Variants in SEMA5A observed in about 807,000 individuals in gnomAD.
The protein encoded by SEMA5A is semaphorin 5A, also known as semaphorin-5A.
A neutral mutation model predicts 135.5 loss-of-function variants in SEMA5A; 55 were observed. The observed-to-expected ratio is 0.41, with a 90% CI of 0.33 to 0.51. The LOEUF is 0.51. Among genes scored for constraint, SEMA5A ranks in the 20% least tolerant of loss-of-function variants. The probability of loss-of-function intolerance (pLI) is 0.37; values close to 1 mark genes in which losing one functional copy is unlikely to be tolerated. For missense variants in SEMA5A, 1,290 were observed against 1,419.9 expected (o/e 0.91, Z 1.47); for synonymous variants, 580 against 546.5 (o/e 1.06, Z -0.85).
rs145840029 is a variant in SEMA5A at position 9,246,251 on chromosome 5, T to A, written c.271-8361A>T. On this transcript the variant is annotated intron_variant, in intron 5 of 22. Transcript: ENST00000382496. ...GAAAAAAATCAAATCACTGGAGGGATGGCTATTTTTATACATGAATTTCCT... is the reference window on the plus strand; with the variant it reads ...GAAAAAAATCAAATCACTGGAGGGAAGGCTATTTTTATACATGAATTTCCT... 4.2e-3 allele frequency among the ~76,000 whole-genome samples: 646 copies of A among 152,256 alleles called. 8 individuals are homozygous for A. Among genetic ancestry groups the A allele is most frequent in the African/African-American group, 0.015 (606 of 41,544 alleles).
chr5:9,490,440 C>T (rs941779226), intron 1 of SEMA5A, among the ~76,000 whole-genome samples: 5 of 151,340 alleles, frequency 3.3e-5, no homozygotes, highest in Non-Finnish European at 5.9e-5. Context: ...TATTTTTCTC[C>T]GTATTTGAAA....
intron 3 of SEMA5A, among the ~76,000 whole-genome samples, chr5:9,351,871 T>C (rs902517447): frequency 6.6e-6 from 1 of 152,252 alleles, no homozygotes; most frequent in Non-Finnish European, 1.5e-5. Context: ...TGGCTTTCTC[T>C]GTCTGCAAGG....
chr5:9,075,538 T>C (rs1738003001), intron 16 of SEMA5A, among the ~76,000 whole-genome samples: 1 of 116,644 alleles, frequency 8.6e-6, no homozygotes. Flanking sequence ...AAAATAATTA[T>C]GCACATAAAA....
In SEMA5A at chr5:9,545,104, T is replaced by G. The variant is rs1230476754; in HGVS notation, c.-175+480A>C. ...AAGTCCCATTGCCTCCCGGTTCCCC[T>G]GTAAGGAAAGCAGGAAAACCTGCCC... is the stretch of plus-strand genomic sequence containing the variant. On this transcript the variant is annotated intron_variant, in intron 1 of 22. Coordinates refer to ENST00000382496, the MANE Select transcript of SEMA5A (RefSeq NM_003966.3). This position sits in a 1 kb window ranked among gnomAD's most constrained non-coding sequence, Gnocchi z 4.5. 1.3e-5 allele frequency among the ~76,000 whole-genome samples: 2 copies of G among 152,072 alleles called. No homozygotes were observed. The highest frequency in any genetic ancestry group is 4.8e-5 in the African/African-American group (2 of 41,410).
At chr5:9,420,004 C>T (rs949801152) in intron 2 of SEMA5A, among the ~76,000 whole-genome samples, 6 of 151,978 alleles carry the variant, frequency 3.9e-5, no homozygotes, top group African/African-American at 1.2e-4. Flanking sequence ...ACTGTTGGGC[C>T]CCTCGGTGGC....
chr5:9,386,375 C>CA lies in SEMA5A; in HGVS notation c.-77-6353dup, dbSNP rs199731403. 1.1e-4 allele frequency among the ~76,000 whole-genome samples: 17 copies of CA among 151,336 alleles called. 1 individual carries two copies. In the South Asian group the frequency reaches 1.5e-3, roughly 13 times the overall value. On this transcript the variant is annotated intron_variant, in intron 2 of 22. Transcript: ENST00000382496. ...AACTCAGTATTCAGCTTCTGCCTTT[C>CA]AAAAAAAAATCATGCTTTTAGAGGA...
At chr5:9,281,992 T>C (rs1216146584) in intron 5 of SEMA5A, among the ~76,000 whole-genome samples, 1 of 152,074 alleles carries the variant, frequency 6.6e-6, no homozygotes, top group Non-Finnish European at 1.5e-5. Flanking sequence ...TTTGTATTTT[T>C]AGTAGAGACA....
intron 1 of SEMA5A, among the ~76,000 whole-genome samples, chr5:9,509,383 G>A (rs959514077): frequency 1.1e-4 from 16 of 151,914 alleles, no homozygotes; most frequent in African/African-American, 3.4e-4. Context: ...CAAGTGATTC[G>A]CCTGTCTCAG....
intron 1 of SEMA5A, among the ~76,000 whole-genome samples, chr5:9,441,992 A>G (rs1406741407): frequency 6.6e-6 from 1 of 152,170 alleles, no homozygotes; most frequent in Non-Finnish European, 1.5e-5. Context: ...TCTGCAGAGG[A>G]TGCACAAGAC....
intron 5 of SEMA5A, among the ~76,000 whole-genome samples, chr5:9,268,176 T>C (rs1400792449): frequency 6.6e-6 from 1 of 152,130 alleles, no homozygotes; most frequent in Non-Finnish European, 1.5e-5. Context: ...CCTTGAAAAT[T>C]TTTTATTGGT....
At chr5:9,154,455 C>T (rs376715419) in intron 12 of SEMA5A, 33 bp downstream of exon 12, 484 of 1,606,668 alleles carry the variant, frequency 3.0e-4, no homozygotes, top group Non-Finnish European at 3.9e-4. Context: ...TTCACACACA[C>T]ACCAGTGCAT....
chr5:9,064,584 A>G (rs1460383767), intron 17 of SEMA5A, among the ~76,000 whole-genome samples: 3 of 152,164 alleles, frequency 2.0e-5, no homozygotes, highest in Non-Finnish European at 4.4e-5. Flanking sequence ...CATAAGTGGG[A>G]ATTGAACAAT....
At chr5:9,319,564 GCAT>G (rs1486941964) in intron 4 of SEMA5A, among the ~76,000 whole-genome samples, 4 of 152,080 alleles carry the variant, frequency 2.6e-5, no homozygotes, top group African/African-American at 7.2e-5. Context: ...TGAAATCCTG[GCAT>G]CATGTAAATG....
At chr5:9,096,628 G>A (rs1026301091) in intron 16 of SEMA5A, among the ~76,000 whole-genome samples, 1 of 148,918 alleles carries the variant, frequency 6.7e-6, no homozygotes. Flanking sequence ...ATCTATTGAT[G>A]GACACTTAAG....
intron 1 of SEMA5A, among the ~76,000 whole-genome samples, chr5:9,475,152 G>A (rs774303791): frequency 3.6e-4 from 55 of 152,120 alleles, no homozygotes; most frequent in Non-Finnish European, 6.6e-4. Context: ...GGCTGGTCTC[G>A]AACTCCTGAC....
At chr5:9,476,958 G>T (rs112842034) in intron 1 of SEMA5A, among the ~76,000 whole-genome samples, 5 of 151,902 alleles carry the variant, frequency 3.3e-5, no homozygotes, top group African/African-American at 1.2e-4. Flanking sequence ...ATATGATTTG[G>T]CTCTGTATCC....
chr5:9,434,487 T>A (rs1006927823), intron 2 of SEMA5A, among the ~76,000 whole-genome samples: 2 of 152,150 alleles, frequency 1.3e-5, no homozygotes, highest in African/African-American at 4.8e-5. Flanking sequence ...ACCACATGGA[T>A]GATAAAGTGC....
chr5:9,380,704 T>C (rs1181163915), intron 2 of SEMA5A, among the ~76,000 whole-genome samples: 3 of 152,198 alleles, frequency 2.0e-5, no homozygotes, highest in Non-Finnish European at 2.9e-5. Flanking sequence ...TTAAAGATTA[T>C]GAACAATTTA....
chr5:9,298,634 T>TG (rs1751456625), intron 5 of SEMA5A, among the ~76,000 whole-genome samples: 1 of 152,260 alleles, frequency 6.6e-6, no homozygotes, highest in South Asian at 2.1e-4. Context: ...TTTCTAGTGC[T>TG]GTACTGATTG....
Sources: allele counts gnomAD v4.1 joint callset (sites outside exome capture counted in the v4.1 genomes callset), GRCh38; gene constraint gnomAD v4.1.1; non-coding constraint Gnocchi (gnomAD v3.1); transcripts MANE v1.5; gene names NCBI Gene and HGNC (gene_info 2026-07-23, HGNC 2026-07-21).